Variants in LRP1B observed in about 807,000 individuals in gnomAD.
LRP1B encodes LDL receptor related protein 1B, also known as low-density lipoprotein receptor-related protein 1B.
Under a neutral mutation model 556.6 loss-of-function variants are expected in LRP1B, and 217 were observed. The ratio of observed to expected loss-of-function variants is 0.39; its 90% CI spans 0.35 to 0.44. LRP1B has a LOEUF of 0.44. Among genes scored for constraint, LRP1B ranks in the 20% least tolerant of loss-of-function variants. The pLI is 1.00. For synonymous variants in LRP1B, 2,047 were observed against 1,865.8 expected (o/e 1.10, Z -2.50); for missense variants, 5,053 against 5,620.8 (o/e 0.90, Z 3.23).
chr2:141,518,311 T>C (rs1323804434), intron 2 of LRP1B, among the ~76,000 whole-genome samples: 4 of 152,114 alleles, frequency 2.6e-5, no homozygotes, highest in African/African-American at 2.4e-5. Flanking sequence ...GGATTTCCAC[T>C]GTATTCTTAA....
intron 18 of LRP1B, among the ~76,000 whole-genome samples, chr2:140,977,561 T>G (rs1696641391): frequency 6.6e-6 from 1 of 151,368 alleles, no homozygotes; most frequent in South Asian, 2.1e-4. Context: ...CAGCATTAAT[T>G]GAGAATTTCT....
chr2:140,427,871 A>C (rs1025205914), intron 66 of LRP1B, among the ~76,000 whole-genome samples: 3 of 151,352 alleles, frequency 2.0e-5, no homozygotes, highest in Non-Finnish European at 2.9e-5. Flanking sequence ...TCCTTTTATC[A>C]CCTCCCTTCC....
chr2:141,856,292 C>A (rs1032579967), intron 1 of LRP1B, among the ~76,000 whole-genome samples: 2 of 152,082 alleles, frequency 1.3e-5, no homozygotes, highest in African/African-American at 2.4e-5. Flanking sequence ...TTTATTCTAT[C>A]AATTCTATAG....
intron 29 of LRP1B, among the ~76,000 whole-genome samples, chr2:140,844,942 A>T (rs563410901): frequency 6.6e-6 from 1 of 152,322 alleles, no homozygotes; most frequent in African/African-American, 2.4e-5. Flanking sequence ...TGGAGTATGA[A>T]TTGCTCAGTG....
At chr2:141,338,647 G>A (rs974722180) in intron 3 of LRP1B, among the ~76,000 whole-genome samples, 2 of 152,206 alleles carry the variant, frequency 1.3e-5, no homozygotes, top group African/African-American at 4.8e-5. Context: ...TCAACCCAGA[G>A]TCAGAACTAG....
chr2:141,697,052 C>T (rs148123322), intron 2 of LRP1B, among the ~76,000 whole-genome samples: 5 of 151,854 alleles, frequency 3.3e-5, no homozygotes, highest in East Asian at 1.9e-4. Context: ...AAGCATATCA[C>T]GTTCTTTTTT....
At chr2:140,264,500 C>G (rs982216896) in intron 86 of LRP1B, among the ~76,000 whole-genome samples, 3 of 152,062 alleles carry the variant, frequency 2.0e-5, no homozygotes, top group African/African-American at 7.2e-5. Context: ...GTGATCCGCC[C>G]ACCTCGGCAT....
chr2:141,401,007 A>C (rs1470589155), intron 3 of LRP1B, among the ~76,000 whole-genome samples: 1 of 152,118 alleles, frequency 6.6e-6, no homozygotes, highest in African/African-American at 2.4e-5. Flanking sequence ...TGTTCATCTT[A>C]TTTCAATTTA....
chr2:141,751,488 T>C (rs899135892), intron 2 of LRP1B, among the ~76,000 whole-genome samples: 4 of 152,146 alleles, frequency 2.6e-5, no homozygotes, highest in Non-Finnish European at 5.9e-5. Flanking sequence ...GGAAGGCATA[T>C]AGAATATCTC....
chr2:140,445,439 C>T (rs886286765), intron 63 of LRP1B, among the ~76,000 whole-genome samples: 3 of 152,034 alleles, frequency 2.0e-5, no homozygotes, highest in Non-Finnish European at 4.4e-5. Context: ...TCCAGCACAA[C>T]GTAAAGCAAA....
intron 2 of LRP1B, among the ~76,000 whole-genome samples, chr2:141,517,135 G>A (rs1684350131): frequency 6.7e-6 from 1 of 148,192 alleles, no homozygotes; most frequent in African/African-American, 2.5e-5. Flanking sequence ...ACCCTTTTAT[G>A]TTCTGTTTAC....
At chr2:141,759,428 T>C (rs1037493954) in intron 2 of LRP1B, among the ~76,000 whole-genome samples, 36 of 152,270 alleles carry the variant, frequency 2.4e-4, no homozygotes, top group African/African-American at 8.4e-4. Flanking sequence ...AAGTAGATGA[T>C]AGATGACAGC....
intron 25 of LRP1B, among the ~76,000 whole-genome samples, chr2:140,879,454 C>T (rs1179644948): frequency 3.3e-5 from 5 of 151,950 alleles, no homozygotes; most frequent in East Asian, 1.9e-4. Flanking sequence ...AAAATTTTGT[C>T]GATTTAAGTG....
intron 2 of LRP1B, among the ~76,000 whole-genome samples, chr2:141,630,004 AC>A: frequency 6.6e-6 from 1 of 152,256 alleles, no homozygotes; most frequent in South Asian, 2.1e-4. Flanking sequence ...CTTCAAAAGC[AC>A]CCACAAAAAT....
chr2:141,454,575 A>G (rs1399406250), intron 3 of LRP1B, among the ~76,000 whole-genome samples: 2 of 152,252 alleles, frequency 1.3e-5, no homozygotes, highest in Non-Finnish European at 2.9e-5. Flanking sequence ...ATGAAACATC[A>G]TTAATATTTA....
At chr2:140,804,089 C>G (rs1289760969) in intron 32 of LRP1B, among the ~76,000 whole-genome samples, 2 of 151,580 alleles carry the variant, frequency 1.3e-5, no homozygotes, top group Non-Finnish European at 2.9e-5. Context: ...AAAATCTGCA[C>G]TTGACAACAT....
At chr2:140,610,187 T>C (rs2105222673) in intron 41 of LRP1B, among the ~76,000 whole-genome samples, 1 of 152,224 alleles carries the variant, frequency 6.6e-6, no homozygotes, top group East Asian at 1.9e-4. Flanking sequence ...AAATTTTATG[T>C]GTTGTTTGTG....
chr2:140,641,212 G>A (rs1684281361), intron 41 of LRP1B, among the ~76,000 whole-genome samples: 1 of 152,012 alleles, frequency 6.6e-6, no homozygotes, highest in Non-Finnish European at 1.5e-5. Context: ...TTTAAATCTT[G>A]GAACAATGAC....
intron 1 of LRP1B, among the ~76,000 whole-genome samples, chr2:141,974,899 T>A (rs900177916): frequency 6.6e-6 from 1 of 152,104 alleles, no homozygotes; most frequent in African/African-American, 2.4e-5. Flanking sequence ...TTTCACAGTT[T>A]GCCCAGACTT....
Sources: allele counts gnomAD v4.1 joint callset (sites outside exome capture counted in the v4.1 genomes callset), GRCh38; gene constraint gnomAD v4.1.1; transcripts MANE v1.5; gene names NCBI Gene and HGNC (gene_info 2026-07-23, HGNC 2026-07-21).